DDX46: variants seen among roughly 807,000 people sequenced by gnomAD.
The protein encoded by DDX46 is probable ATP-dependent RNA helicase DDX46.
A neutral mutation model predicts 134.9 loss-of-function variants in DDX46; 30 were observed. The ratio of observed to expected loss-of-function variants is 0.22; its 90% confidence interval spans 0.17 to 0.30. The LOEUF is 0.30. Ranked by LOEUF, DDX46 falls within the 10% of genes least tolerant of loss-of-function variation. The pLI, the probability that DDX46 is intolerant of heterozygous loss-of-function variation, is 1.00. For synonymous variants in DDX46, 415 were observed against 404.1 expected, an observed-to-expected ratio of 1.03 and a Z score of -0.32; for missense variants, 622 against 1,248.7, an observed-to-expected ratio of 0.50 and a Z score of 7.56.
In DDX46 at chr5:134,788,534, G is replaced by A. The variant is rs1754410157; in HGVS notation, c.1486G>A (p.Ala496Thr). 2 of 1,613,778 alleles carry A rather than the reference G, an allele frequency of 1.2e-6. No homozygotes were observed. The highest frequency in any genetic ancestry group is 1.7e-6 in the Non-Finnish European group (2 of 1,179,886). Residue 496 changes from alanine to threonine, a missense_variant, in exon 12 of 23, where the codon GCT becomes ACT. Ala to Thr is a moderately conservative substitution (Grantham distance 58). This residue lies in a region of DDX46 where 209 missense variants were observed against 508.4 expected (regional missense o/e 0.41). Coordinates refer to ENST00000452510, the MANE Select transcript of DDX46 (RefSeq NM_001300860.2). ...TTAGATTGCTGAGCTGAAAAGAGGTGCTGAAATTATTGTTTGCACACCTGG... is the reference window on the plus strand; with the variant it reads ...TTAGATTGCTGAGCTGAAAAGAGGTACTGAAATTATTGTTTGCACACCTGG... Reference protein sequence around the residue: ...SEQIAELKRGAEIIVCTPGRM... With the variant: ...SEQIAELKRGTEIIVCTPGRM...
At chr5:134,783,381 G>A (rs971541172) in intron 9 of DDX46, among the ~76,000 whole-genome samples, 1 of 148,606 alleles carries the variant, frequency 6.7e-6, no homozygotes, top group Non-Finnish European at 1.5e-5. Flanking sequence ...AGCCTTCCGA[G>A]TAGCTGAAAC....
At position 134,790,455 on chromosome 5, in the gene DDX46, T is replaced by A; in HGVS notation, c.1544-15T>A. On this transcript the variant is annotated splice_polypyrimidine_tract_variant and intron_variant, in intron 12 of 22. Coordinates refer to ENST00000452510, the MANE Select transcript of DDX46 (RefSeq NM_001300860.2). ...TTTAGTTTTCTTTTTGTCTTTATTT[T>A]TCTTTTCATCTTAGGTCGGGTCACA... 6.3e-7 allele frequency: 1 copy of A among 1,595,754 alleles called. No homozygotes were observed. The highest frequency in any genetic ancestry group is 8.5e-7 in the Non-Finnish European group (1 of 1,174,742).
chr5:134,805,313 G>A (rs1301988769), intron 15 of DDX46, among the ~76,000 whole-genome samples: 2 of 151,708 alleles, frequency 1.3e-5, no homozygotes, highest in African/African-American at 2.4e-5. Flanking sequence ...GTCTATAGGC[G>A]CCTGCCACCA....
At chr5:134,787,435 C>T (rs562092820) in intron 11 of DDX46, among the ~76,000 whole-genome samples, 5 of 152,270 alleles carry the variant, frequency 3.3e-5, no homozygotes, top group South Asian at 2.1e-4. Context: ...AATTAAGTGA[C>T]GTTTTCTGAA....
chr5:134,798,359 T>G (rs1754730419), intron 15 of DDX46, among the ~76,000 whole-genome samples: 1 of 152,002 alleles, frequency 6.6e-6, no homozygotes, highest in Non-Finnish European at 1.5e-5. Flanking sequence ...CCACCATGCC[T>G]GACTAATTTT....
At chr5:134,800,671 G>C (rs1375560777) in intron 15 of DDX46, among the ~76,000 whole-genome samples, 1 of 148,416 alleles carries the variant, frequency 6.7e-6, no homozygotes, top group Non-Finnish European at 1.5e-5. Context: ...GTGTGTTTTT[G>C]TTTGTTTGTT....
intron 21 of DDX46, among the ~76,000 whole-genome samples, chr5:134,821,951 G>GA (rs1167957129): frequency 6.8e-6 from 1 of 147,506 alleles, no homozygotes; most frequent in African/African-American, 2.5e-5. Context: ...GGAGTGCAAT[G>GA]GTGCTGTCTC....
intron 15 of DDX46, among the ~76,000 whole-genome samples, chr5:134,797,546 AG>A (rs1434355229): frequency 6.6e-6 from 1 of 152,188 alleles, no homozygotes; most frequent in Non-Finnish European, 1.5e-5. Flanking sequence ...GAAGCTGCCC[AG>A]CCAGTTAAGG....
chr5:134,773,319 G>A (rs183448449), intron 4 of DDX46, among the ~76,000 whole-genome samples: 10 of 152,278 alleles, frequency 6.6e-5, no homozygotes, highest in Admixed American at 5.9e-4. Context: ...TTTTGGAGGC[G>A]TTTAGGGGAT....
chr5:134,800,994 C>T (rs1418131034), intron 15 of DDX46, among the ~76,000 whole-genome samples: 1 of 151,696 alleles, frequency 6.6e-6, no homozygotes, highest in Admixed American at 6.6e-5. Flanking sequence ...CTTTTAAGAA[C>T]GTTTGTAGGC....
chr5:134,791,070 G>A (rs1225882226), intron 13 of DDX46, among the ~76,000 whole-genome samples: 6 of 152,204 alleles, frequency 3.9e-5, no homozygotes, highest in Non-Finnish European at 8.8e-5. Flanking sequence ...CACCCGCCTT[G>A]GCCTCCCAAA....
chr5:134,803,207 T>C (rs559712191), intron 15 of DDX46, among the ~76,000 whole-genome samples: 1 of 152,300 alleles, frequency 6.6e-6, no homozygotes, highest in East Asian at 1.9e-4. Context: ...TTGGCCAGGC[T>C]GGTCTGGAAC....
chr5:134,800,911 G>T (rs1304884886), intron 15 of DDX46, among the ~76,000 whole-genome samples: 2 of 152,002 alleles, frequency 1.3e-5, no homozygotes, highest in Non-Finnish European at 2.9e-5. Flanking sequence ...CCTGACCTCA[G>T]GTGATCCACC....
chr5:134,782,119 AG>A, intron 8 of DDX46, 33 bp downstream of exon 8: 4 of 1,544,916 alleles, frequency 2.6e-6, no homozygotes, highest in Non-Finnish European at 1.7e-6. Flanking sequence ...ACTGGTTATA[AG>A]GGAACAGAAG....
intron 21 of DDX46, among the ~76,000 whole-genome samples, chr5:134,821,960 T>C (rs1424888290): frequency 6.6e-6 from 1 of 150,834 alleles, no homozygotes; most frequent in Non-Finnish European, 1.5e-5. Flanking sequence ...TGGTGCTGTC[T>C]CGTCTCACTG....
rs114072082 is a variant in DDX46, at chr5:134,827,244, C to G, written c.3051+224C>G. ...CTTGTCACTATTCATCTCCCCCCAA[C>G]AAAACCATACCTTGAATTTTTTTTC... On this transcript the variant is annotated intron_variant, in intron 22 of 22. Transcript: ENST00000452510. 9.5e-3 allele frequency among the ~76,000 whole-genome samples: 1,436 copies of G among 151,938 alleles called. 8 individuals are homozygous for G. The highest frequency in any genetic ancestry group is 0.016 in the Non-Finnish European group (1,056 of 67,932).
intron 16 of DDX46, among the ~76,000 whole-genome samples, chr5:134,808,347 A>C (rs181907606): frequency 3.7e-4 from 56 of 152,338 alleles, no homozygotes; most frequent in African/African-American, 1.3e-3. Flanking sequence ...CAGAACACTT[A>C]CATTAGGTTA....
intron 15 of DDX46, among the ~76,000 whole-genome samples, chr5:134,806,900 C>T (rs982566178): frequency 2.6e-5 from 4 of 152,118 alleles, no homozygotes; most frequent in African/African-American, 9.7e-5. Context: ...TCATACTAAA[C>T]CTCTTTGGAT....
intron 8 of DDX46, 89 bp from the exon 9 acceptor site, chr5:134,782,856 A>G: frequency 6.6e-7 from 1 of 1,515,730 alleles, no homozygotes; most frequent in Non-Finnish European, 8.9e-7. Context: ...CATAAGAGTT[A>G]AAGTTTGTTA....
Sources: gnomAD v4.1 joint callset for allele counts (sites outside exome capture counted in the v4.1 genomes callset) on GRCh38, gnomAD v4.1.1 for gene constraint, gnomAD v4.1.1 regional missense constraint, MANE v1.5 for transcripts, NCBI Gene and HGNC (gene_info 2026-07-23, HGNC 2026-07-21) for gene names.